Variants in OLA1 observed in about 807,000 individuals in gnomAD.
OLA1 encodes Obg like ATPase 1, also known as obg-like ATPase 1.
A neutral mutation model predicts 48.4 loss-of-function variants in OLA1; 14 were observed. That is an observed-to-expected ratio of 0.29 (90% CI 0.19 to 0.45). The LOEUF (loss-of-function observed/expected upper bound fraction) is 0.45, where lower values mean the gene tolerates loss of function less well. Ranked by LOEUF, OLA1 falls within the 20% of genes least tolerant of loss-of-function variation. The pLI is 1.00. For synonymous variants in OLA1, 127 were observed against 150.4 expected, an observed-to-expected ratio of 0.84 and a Z score of 1.14; for missense variants, 325 against 467.1, an observed-to-expected ratio of 0.70 and a Z score of 2.80.
intron 7 of OLA1, among the ~76,000 whole-genome samples, chr2:174,094,571 G>C (rs1281979288): frequency 6.6e-6 from 1 of 152,202 alleles, no homozygotes; most frequent in Non-Finnish European, 1.5e-5. Context: ...GCACTGGCAC[G>C]AGACTAGACG....
chr2:174,227,781 A>T (rs1273215438), intron 3 of OLA1, among the ~76,000 whole-genome samples: 1 of 152,222 alleles, frequency 6.6e-6, no homozygotes, highest in Non-Finnish European at 1.5e-5. Context: ...CAATAGTAAC[A>T]AATGAAGGAG....
At chr2:174,160,201 T>C (rs1342287712) in intron 4 of OLA1, among the ~76,000 whole-genome samples, 1 of 152,136 alleles carries the variant, frequency 6.6e-6, no homozygotes, top group Non-Finnish European at 1.5e-5. Context: ...CATATGCACA[T>C]AGAAGTAACA....
intron 5 of OLA1, among the ~76,000 whole-genome samples, chr2:174,130,978 A>G (rs574163145): frequency 3.3e-5 from 5 of 152,306 alleles, no homozygotes; most frequent in African/African-American, 1.2e-4. Context: ...AAAAGTACAA[A>G]TATTTTTAAT....
At chr2:174,220,499 T>C (rs1348425159) in intron 4 of OLA1, among the ~76,000 whole-genome samples, 2 of 152,206 alleles carry the variant, frequency 1.3e-5, no homozygotes, top group African/African-American at 2.4e-5. Context: ...ACCATTTTAT[T>C]CAATGTCTGT....
chr2:174,246,967 C>T (rs1035355034), intron 1 of OLA1, 152 bp from the exon 2 acceptor site: 3 of 447,326 alleles, frequency 6.7e-6, no homozygotes, highest in Admixed American at 3.9e-5. Context: ...GCTAAATCCA[C>T]TTTTTTTTCA....
At chr2:174,134,833 T>C (rs1686265252) in intron 5 of OLA1, among the ~76,000 whole-genome samples, 1 of 152,148 alleles carries the variant, frequency 6.6e-6, no homozygotes, top group South Asian at 2.1e-4. Context: ...AACAAGAAAC[T>C]TTTGCTTTAG....
At position 174,141,866 on chromosome 2, in the gene OLA1, C is replaced by T. The variant is rs759794271; in HGVS notation, c.508G>A (p.Val170Met). ...TTTTTATCTCCTCCTCTCACAGCCA[C>T]CTTTTCTAGTTTATCTATAATGGGC... ...IGPIIDKLEK[V>M]AVRGGDKKLK... is the part of the protein sequence containing the mutation. Residue 170 changes from valine (V) to methionine (M), a missense_variant, in exon 5 of 11, where the codon GTG becomes ATG. Val to Met is a conservative substitution (Grantham distance 21). Coordinates refer to ENST00000284719, the MANE Select transcript of OLA1 (RefSeq NM_013341.5). 1.2e-6 allele frequency: 2 copies of T among 1,610,174 alleles called. No individual in the cohort carries two copies. The highest frequency in any genetic ancestry group is 1.7e-6 in the Non-Finnish European group (2 of 1,179,466).
At chr2:174,190,685 G>A (rs942477474) in intron 4 of OLA1, among the ~76,000 whole-genome samples, 3 of 152,034 alleles carry the variant, frequency 2.0e-5, no homozygotes, top group South Asian at 4.1e-4. Context: ...CCACACATTA[G>A]TAATTATCAA....
intron 7 of OLA1, among the ~76,000 whole-genome samples, chr2:174,113,300 T>C (rs2105360788): frequency 6.6e-6 from 1 of 152,292 alleles, no homozygotes; most frequent in Non-Finnish European, 1.5e-5. Flanking sequence ...TTAAATCCTG[T>C]TTATCATATC....
chr2:174,104,375 T>C (rs1685467323), intron 7 of OLA1, among the ~76,000 whole-genome samples: 1 of 152,038 alleles, frequency 6.6e-6, no homozygotes, highest in African/African-American at 2.4e-5. Flanking sequence ...CATTAAACTT[T>C]TCCTACTTTT....
At chr2:174,212,482 T>C (rs555116170) in intron 4 of OLA1, among the ~76,000 whole-genome samples, 1 of 152,332 alleles carries the variant, frequency 6.6e-6, no homozygotes, top group South Asian at 2.1e-4. Flanking sequence ...ATAAACCATG[T>C]ACATTTAGGC....
intron 4 of OLA1, among the ~76,000 whole-genome samples, chr2:174,221,666 T>G (rs1402072584): frequency 6.6e-6 from 1 of 152,164 alleles, no homozygotes; most frequent in East Asian, 1.9e-4. Flanking sequence ...CTACAAAATT[T>G]TTTAAATTGT....
intron 4 of OLA1, among the ~76,000 whole-genome samples, chr2:174,174,076 T>C (rs1687369446): frequency 6.7e-6 from 1 of 149,252 alleles, no homozygotes; most frequent in Non-Finnish European, 1.5e-5. Context: ...CACGCCTAGA[T>C]GGCTTTACTG....
chr2:174,078,933 CATT>C (rs758182346), intron 10 of OLA1, 32 bp downstream of exon 10: 15 of 1,581,200 alleles, frequency 9.5e-6, no homozygotes, highest in Non-Finnish European at 1.3e-5. Flanking sequence ...TCAGTGGAAA[CATT>C]GTGAAATACA....
At chr2:174,244,215 T>A (rs1010497448) in intron 2 of OLA1, among the ~76,000 whole-genome samples, 1 of 152,228 alleles carries the variant, frequency 6.6e-6, no homozygotes, top group African/African-American at 2.4e-5. Context: ...CTGATACAGT[T>A]GTGTGAAGTA....
chr2:174,196,183 T>A (rs1380847875), intron 4 of OLA1, among the ~76,000 whole-genome samples: 1 of 152,074 alleles, frequency 6.6e-6, no homozygotes, highest in East Asian at 1.9e-4. Context: ...TGTTCCTTTT[T>A]AACAGAAGAA....
intron 10 of OLA1, among the ~76,000 whole-genome samples, chr2:174,077,043 G>A (rs1458379579): frequency 6.6e-6 from 1 of 151,600 alleles, no homozygotes; most frequent in Non-Finnish European, 1.5e-5. Context: ...AAATTCTCTA[G>A]AGACCATTTA....
In OLA1 at chr2:174,201,782, G is replaced by T. The variant is rs142197324; in HGVS notation, c.373+21251C>A. On this transcript the variant is annotated intron_variant, in intron 4 of 10. Transcript: ENST00000284719. ...TCATAAAAGTACATTGTTACCATTC[G>T]TATCATGTAATGGGAAAGAAAGAAG... Among the ~76,000 whole-genome samples, 804 of 152,194 alleles carry T rather than the reference G, an allele frequency of 5.3e-3. 8 individuals carry two copies. The Middle Eastern group carries it at 0.065, about 12-fold the overall frequency.
intron 2 of OLA1, among the ~76,000 whole-genome samples, chr2:174,230,372 C>T (rs1474604755): frequency 6.6e-6 from 1 of 152,038 alleles, no homozygotes; most frequent in African/African-American, 2.4e-5. Flanking sequence ...AGAAACTGTA[C>T]TTTCAGAATA....
Sources: allele counts gnomAD v4.1 joint callset (sites outside exome capture counted in the v4.1 genomes callset), GRCh38; gene constraint gnomAD v4.1.1; transcripts MANE v1.5; gene names NCBI Gene and HGNC (gene_info 2026-07-23, HGNC 2026-07-21).